NUP133: variants seen among roughly 807,000 people sequenced by gnomAD.
The protein encoded by NUP133 is nuclear pore complex protein Nup133.
Under a neutral mutation model 146.2 loss-of-function variants are expected in NUP133, and 66 were observed. The ratio of observed to expected loss-of-function variants is 0.45; its 90% CI spans 0.37 to 0.55. The LOEUF (loss-of-function observed/expected upper bound fraction) is 0.55. NUP133 is among the 20% of genes least tolerant of loss of function. The pLI, the probability that NUP133 is intolerant of heterozygous loss-of-function variation, is 0.00. For missense variants in NUP133, 1,277 were observed against 1,374.8 expected (o/e 0.93, Z 1.12); for synonymous variants, 521 against 498.8 (o/e 1.04, Z -0.59).
In NUP133 at chr1:229,446,120, G is replaced by A. The variant is rs72751731; in HGVS notation, c.3246-1118C>T. 6.5e-3 allele frequency among the ~76,000 whole-genome samples: 993 copies of A among 152,206 alleles called. 6 individuals carry two copies. The highest frequency in any genetic ancestry group is 8.1e-3 in the Non-Finnish European group (551 of 68,004). ...GAAAGGATATGATTGTGAGAAAGTA[G>A]TACTTGCCAGGCGCGGTGGCTCATG... On this transcript the variant is annotated intron_variant, in intron 24 of 25. Coordinates refer to ENST00000261396, the MANE Select transcript of NUP133 (RefSeq NM_018230.3).
Position 229,470,565 on chromosome 1 carries a change from G to C in NUP133, c.2076+15C>G. On this transcript the variant is annotated intron_variant, in intron 15 of 25. Transcript: ENST00000261396. ...CACAGTTCTACAAAGCCACATGAAA[G>C]AGGACTCATCTTACCTCCCTGAAAA... The C allele has an allele frequency of 6.3e-7, 1 of 1,597,182 alleles. No homozygotes were observed. The highest frequency in any genetic ancestry group is 8.6e-7 in the Non-Finnish European group (1 of 1,164,596).
intron 21 of NUP133, among the ~76,000 whole-genome samples, chr1:229,456,795 A>G (rs1660578066): frequency 1.3e-5 from 2 of 151,560 alleles, no homozygotes; most frequent in Admixed American, 6.6e-5. Flanking sequence ...TTTATTATGT[A>G]TATCTATCTA....
chr1:229,464,809 G>A lies in NUP133; in HGVS notation c.2366C>T (p.Ala789Val), dbSNP rs369761150. The A allele has an allele frequency of 1.1e-5, 18 of 1,614,178 alleles. No individual in the cohort carries two copies. The highest frequency in any genetic ancestry group is 1.5e-5 in the Non-Finnish European group (18 of 1,180,032). Residue 789 changes from alanine to valine, a missense_variant, in exon 18 of 26, where the codon GCT becomes GTT. Physicochemically the swap from Ala to Val is moderately conservative, Grantham distance 64. Around this residue, in one of 3 missense-constraint regions of NUP133, gnomAD observed 952 missense variants for 1,047.0 expected, o/e 0.91. Coordinates refer to ENST00000261396, the MANE Select transcript of NUP133 (RefSeq NM_018230.3). ...GAGGTTGCTGTCTGCCTGTGGATAA[G>A]CCACCTTCAGGACAATCTCATGCTG... Reference protein sequence around the residue: ...IRQHEIVLKVAYPQADSNLRN... With the variant: ...IRQHEIVLKVVYPQADSNLRN...
chr1:229,494,861 G>A (rs1571936818), intron 8 of NUP133, among the ~76,000 whole-genome samples: 1 of 152,224 alleles, frequency 6.6e-6, no homozygotes, highest in Non-Finnish European at 1.5e-5. Flanking sequence ...ATCACAGCAT[G>A]GGGCAGCCAC....
intron 9 of NUP133, among the ~76,000 whole-genome samples, chr1:229,488,334 TTAA>T (rs1661414149): frequency 6.6e-6 from 1 of 152,144 alleles, no homozygotes; most frequent in African/African-American, 2.4e-5. Context: ...TGCCAAGATA[TTAA>T]TGACAAGAAA....
intron 21 of NUP133, among the ~76,000 whole-genome samples, chr1:229,454,508 T>TA (rs1162020968): frequency 6.6e-6 from 1 of 152,186 alleles, no homozygotes; most frequent in Non-Finnish European, 1.5e-5. Flanking sequence ...ACAGACAACT[T>TA]ATTTTTCCTA....
rs759835241 is a variant in NUP133, at chr1:229,444,905, A to C, written c.3334+9T>G. The C allele has an allele frequency of 5.1e-5, 81 of 1,575,676 alleles. No individual in the cohort carries two copies. Among genetic ancestry groups the C allele is most frequent in the Non-Finnish European group, 6.9e-5 (79 of 1,149,024 alleles). On this transcript the variant is annotated intron_variant, in intron 25 of 25. Transcript: ENST00000261396. ...GTAATTTCCAACGGTATAGTAACAA[A>C]CCACTTACCATCTTTTAAAAGTTTC...
Position 229,466,585 on chromosome 1 carries a change from T to C in NUP133, c.2199+49A>G, listed in dbSNP as rs1660832776. On this transcript the variant is annotated intron_variant, in intron 16 of 25. Coordinates refer to ENST00000261396, the MANE Select transcript of NUP133 (RefSeq NM_018230.3). ...AACATGGAAACCAGTTCCTTGTCTA[T>C]CCATGCCCTGGGCTTTGATTTGCTG... 3.1e-6 allele frequency: 5 copies of C among 1,607,778 alleles called. No individual in the cohort carries two copies. The South Asian group carries it at 4.4e-5, about 14-fold the overall frequency.
intron 14 of NUP133, among the ~76,000 whole-genome samples, chr1:229,472,306 G>T (rs1295172252): frequency 7.0e-6 from 1 of 143,184 alleles, no homozygotes; most frequent in Non-Finnish European, 1.5e-5. Flanking sequence ...GCGACAGAGC[G>T]AGACTCCGTC....
At chr1:229,467,918 A>G (rs1331187161) in intron 15 of NUP133, among the ~76,000 whole-genome samples, 2 of 147,988 alleles carry the variant, frequency 1.4e-5, no homozygotes, top group African/African-American at 5.2e-5. Context: ...AGCAAGACTC[A>G]GTCTCAAAAA....
chr1:229,472,707 C>CATACATATAT lies in NUP133; in HGVS notation c.1852-1904_1852-1903insATATATGTAT, dbSNP rs58951309. On this transcript the variant is annotated intron_variant, in intron 14 of 25. Transcript: ENST00000261396. ...CAAAAAAATTAAAAAACTAAATATA[C>CATACATATAT]ATATATATATATATATATATGTACA... is the stretch of plus-strand genomic sequence containing the variant. Among the ~76,000 whole-genome samples the CATACATATAT allele has an allele frequency of 2.4e-3, 296 of 124,320 alleles. 7 individuals are homozygous for CATACATATAT. The highest frequency in any genetic ancestry group is 8.8e-3 in the African/African-American group (283 of 31,994). 81.6% of individuals were successfully genotyped at this position (124,320 alleles called of 152,430 possible).
At chr1:229,495,092 C>T (rs1052826523) in intron 8 of NUP133, among the ~76,000 whole-genome samples, 3 of 152,100 alleles carry the variant, frequency 2.0e-5, no homozygotes, top group Non-Finnish European at 2.9e-5. Context: ...TGAGAAGACC[C>T]GCACTAAAAG....
rs543673587 is a variant in NUP133 at position 229,469,439 on chromosome 1, A to C, written c.2076+1141T>G. ...TTTCTCTGAAAATAAATCTGATTCT[A>C]CAAGCAAGGTGTAGCAACAGGATCC... is the stretch of plus-strand genomic sequence containing the variant. On this transcript the variant is annotated intron_variant, in intron 15 of 25. Transcript: ENST00000261396. 2.0e-5 allele frequency among the ~76,000 whole-genome samples: 3 copies of C among 152,332 alleles called. No homozygotes were observed. In the South Asian group the frequency reaches 6.2e-4, roughly 32 times the overall value.
At chr1:229,454,382 ATCCTGGT>A (rs992592824) in intron 21 of NUP133, among the ~76,000 whole-genome samples, 2 of 152,190 alleles carry the variant, frequency 1.3e-5, no homozygotes, top group African/African-American at 4.8e-5. Flanking sequence ...ATTCCCCGTG[ATCCTGGT>A]TTTGGAAAAA....
At chr1:229,443,941 A>G (rs1316665542) in intron 25 of NUP133, among the ~76,000 whole-genome samples, 5 of 120,436 alleles carry the variant, frequency 4.2e-5, no homozygotes, top group East Asian at 2.4e-4. Flanking sequence ...GGATCTCCCT[A>G]TGTTGCTCCA....
At position 229,496,889 on chromosome 1, in the gene NUP133, T is replaced by C. The variant is rs138890832; in HGVS notation, c.820-842A>G. Among the ~76,000 whole-genome samples, 925 of 152,232 alleles carry C rather than the reference T, an allele frequency of 6.1e-3. 4 individuals are homozygous for C. The highest frequency in any genetic ancestry group is 9.9e-3 in the Non-Finnish European group (670 of 68,008). ...TATAGCAGAGAGTGTTGAATGTGAA[T>C]TGGTAAGTGTAGCAAGCAAGGGAGA... On this transcript the variant is annotated intron_variant, in intron 6 of 25. Transcript: ENST00000261396.
At chr1:229,496,538 G>A (rs1026155308) in intron 6 of NUP133, among the ~76,000 whole-genome samples, 2 of 152,164 alleles carry the variant, frequency 1.3e-5, no homozygotes, top group Non-Finnish European at 2.9e-5. Context: ...GGCAAGGTTG[G>A]ATCTATAGGA....
chr1:229,458,126 C>G (rs754865849), intron 21 of NUP133, 35 bp downstream of exon 21: 2 of 1,596,730 alleles, frequency 1.3e-6, no homozygotes, highest in Non-Finnish European at 1.7e-6. Flanking sequence ...GATGGCATGA[C>G]CAATTTGTAA....
chr1:229,495,180 G>A (rs1371251660), intron 8 of NUP133, among the ~76,000 whole-genome samples: 1 of 152,148 alleles, frequency 6.6e-6, no homozygotes, highest in East Asian at 1.9e-4. Flanking sequence ...CTTGAGCCCA[G>A]GAGTTCAAGA....
Sources: gnomAD v4.1 joint callset for allele counts (sites outside exome capture counted in the v4.1 genomes callset) on GRCh38, gnomAD v4.1.1 for gene constraint, gnomAD v4.1.1 regional missense constraint, MANE v1.5 for transcripts, NCBI Gene and HGNC (gene_info 2026-07-23, HGNC 2026-07-21) for gene names.